Variants in CDC42SE2 observed in about 807,000 individuals in gnomAD.
The protein encoded by CDC42SE2 is CDC42 small effector protein 2.
CDC42SE2 carries 3 observed loss-of-function variants against 11.5 expected under a neutral mutation model. The observed-to-expected ratio is 0.26, with a 90% CI of 0.12 to 0.67. The LOEUF (loss-of-function observed/expected upper bound fraction) is 0.67. CDC42SE2 is among the 30% of genes least tolerant of loss of function. The probability of loss-of-function intolerance (pLI) is 0.80; values close to 1 mark genes in which losing one functional copy is unlikely to be tolerated. For missense variants in CDC42SE2, 82 were observed against 106.8 expected (o/e 0.77, Z 1.02); for synonymous variants, 33 against 34.8 (o/e 0.95, Z 0.18).
intron 1 of CDC42SE2, among the ~76,000 whole-genome samples, chr5:131,295,831 C>T (rs189638167): frequency 6.7e-4 from 102 of 152,002 alleles, no homozygotes; most frequent in Admixed American, 1.5e-3. Context: ...TACAGGCGCC[C>T]GCCACCGTGC....
At chr5:131,371,990 C>T (rs1375685703) in intron 3 of CDC42SE2, among the ~76,000 whole-genome samples, 1 of 152,152 alleles carries the variant, frequency 6.6e-6, no homozygotes, top group Non-Finnish European at 1.5e-5. Context: ...CGTTTCCCCC[C>T]CTTATTCCCC....
At chr5:131,249,789 G>A (rs994341026) in intron 1 of CDC42SE2, among the ~76,000 whole-genome samples, 3 of 152,074 alleles carry the variant, frequency 2.0e-5, no homozygotes, top group Non-Finnish European at 2.9e-5. Context: ...AGGCTGAGGC[G>A]GGAGGATCAC....
chr5:131,348,969 C>T (rs542180054), intron 2 of CDC42SE2, among the ~76,000 whole-genome samples: 2 of 152,152 alleles, frequency 1.3e-5, no homozygotes, highest in Non-Finnish European at 2.9e-5. Flanking sequence ...CCCTTCCCTA[C>T]ACCCTATACA....
chr5:131,366,678 C>T (rs1182847188), intron 3 of CDC42SE2, among the ~76,000 whole-genome samples: 1 of 151,986 alleles, frequency 6.6e-6, no homozygotes, highest in Non-Finnish European at 1.5e-5. Flanking sequence ...AAGTAATAAT[C>T]TTTAAAAGAA....
the CDC42SE2 span, among the ~76,000 whole-genome samples, chr5:131,215,504 C>T: frequency 2.6e-5 from 4 of 152,200 alleles, no homozygotes; most frequent in African/African-American, 9.7e-5. Context: ...TTTTGTCATT[C>T]TTCACTATTG....
chr5:131,226,274 A>G, the CDC42SE2 span, among the ~76,000 whole-genome samples: 2 of 152,268 alleles, frequency 1.3e-5, no homozygotes, highest in Non-Finnish European at 2.9e-5. Context: ...ATAGCAATTT[A>G]GTATCATTTG....
upstream of CDC42SE2, among the ~76,000 whole-genome samples, chr5:131,242,490 A>G (rs1297258009): frequency 6.6e-6 from 1 of 152,142 alleles, no homozygotes; most frequent in African/African-American, 2.4e-5. Context: ...TTCTTCTTAA[A>G]ATTTTATGAC....
chr5:131,270,911 G>T (rs1242110992), intron 1 of CDC42SE2, among the ~76,000 whole-genome samples: 1 of 152,030 alleles, frequency 6.6e-6, no homozygotes, highest in Non-Finnish European at 1.5e-5. Context: ...TACCACTTCA[G>T]GATGCAGCTT....
At chr5:131,349,681 T>A (rs1031684908) in intron 2 of CDC42SE2, among the ~76,000 whole-genome samples, 3 of 152,144 alleles carry the variant, frequency 2.0e-5, no homozygotes, top group Non-Finnish European at 4.4e-5. Context: ...GAACAACCCA[T>A]TGTAATGAAG....
chr5:131,364,905 G>T (rs1749809081), intron 3 of CDC42SE2, among the ~76,000 whole-genome samples: 1 of 152,174 alleles, frequency 6.6e-6, no homozygotes, highest in African/African-American at 2.4e-5. Context: ...ATGGTTCAAG[G>T]TTACTTCAAG....
At chr5:131,314,634 G>T (rs932076643) in intron 1 of CDC42SE2, among the ~76,000 whole-genome samples, 2 of 152,172 alleles carry the variant, frequency 1.3e-5, no homozygotes, top group East Asian at 1.9e-4. Flanking sequence ...AACCTTCCTA[G>T]ACTTATTTAT....
intron 3 of CDC42SE2, 25 bp from the exon 4 acceptor site, chr5:131,385,518 A>G (rs1431014455): frequency 6.5e-7 from 1 of 1,530,260 alleles, no homozygotes; most frequent in East Asian, 2.3e-5. Flanking sequence ...TCACTTTCTC[A>G]ACACATTTGT....
At position 131,391,549 on chromosome 5, in the gene CDC42SE2, GTAATCGCAGCTACTCA is replaced by G. The variant is rs1750652935; in HGVS notation, c.*459_*474del. ...TAGCTGGGCATGGTGGCGCATGCCT[GTAATCGCAGCTACTCA>G]GGAGGCTGAGGCACGAGAATTGCTT... On this transcript the variant is annotated 3_prime_UTR_variant, in exon 5 of 5. Transcript: ENST00000505065. 6.6e-6 allele frequency: 1 copy of G among 152,434 alleles called. No individual in the cohort carries two copies. The highest frequency in any genetic ancestry group is 1.5e-5 in the Non-Finnish European group (1 of 68,224). The allele number at this position is 152,434 out of a possible 1,614,324, so 9.4% of individuals were successfully genotyped here. A position where few individuals can be genotyped will look rare whatever the true frequency, so the allele number is the denominator to read the frequency against.
chr5:131,387,555 AAAAT>A lies in CDC42SE2; in HGVS notation c.156+1916_156+1919del, dbSNP rs1293837881. ...TGACAGAGTGAAACCCCATCTTAAA[AAAAT>A]AAATCCAACCGTATAGGAGGAATTA... On this transcript the variant is annotated intron_variant, in intron 4 of 4. Coordinates refer to ENST00000505065, the MANE Select transcript of CDC42SE2 (RefSeq NM_001375635.1). Among the ~76,000 whole-genome samples, 12 of 152,328 alleles carry A rather than the reference AAAAT, an allele frequency of 7.9e-5. No homozygotes were observed. The South Asian group carries it at 2.3e-3, about 29-fold the overall frequency.
chr5:131,366,074 CTG>C (rs1263181223), intron 3 of CDC42SE2, among the ~76,000 whole-genome samples: 3 of 152,210 alleles, frequency 2.0e-5, no homozygotes, highest in African/African-American at 7.2e-5. Flanking sequence ...AATGTTTTAA[CTG>C]TACTACTAAA....
Position 131,258,900 on chromosome 5 carries a change from G to A in CDC42SE2, n.242+3671G>A, listed in dbSNP as rs181713495. ...TATACTGAATTTTTCCACAGCACTC[G>A]GTATGCTACCTGGCAAACAGCAGGC... On this transcript the variant is annotated intron_variant and non_coding_transcript_variant, in intron 2 of 3. Transcript: ENST00000502840. Among the ~76,000 whole-genome samples the A allele has an allele frequency of 2.4e-4, 36 of 152,210 alleles. No individual in the cohort carries two copies. In the East Asian group the frequency reaches 6.2e-3, roughly 26 times the overall value.
At chr5:131,339,245 T>TAAA (rs1758650062) in intron 2 of CDC42SE2, among the ~76,000 whole-genome samples, 2 of 44,594 alleles carry the variant, frequency 4.5e-5, no homozygotes, top group African/African-American at 2.8e-4. Flanking sequence ...AGACTCTGTC[T>TAAA]GAAAAAAAAA....
intron 1 of CDC42SE2, among the ~76,000 whole-genome samples, chr5:131,293,699 G>A (rs13158295): frequency 0.57 from 86,786 of 152,052 alleles, 28,729 homozygotes; most frequent in Non-Finnish European, 0.76. Context: ...CCTAGTTTAT[G>A]GTATTTTGTT....
intron 1 of CDC42SE2, among the ~76,000 whole-genome samples, chr5:131,266,531 C>T (rs998045317): frequency 1.4e-5 from 2 of 147,646 alleles, no homozygotes; most frequent in African/African-American, 5.0e-5. Context: ...GTGATCTCGG[C>T]TTACTGCAAC....
Sources: gnomAD v4.1 joint callset for allele counts (sites outside exome capture counted in the v4.1 genomes callset) on GRCh38, gnomAD v4.1.1 for gene constraint, MANE v1.5 for transcripts, NCBI Gene and HGNC (gene_info 2026-07-23, HGNC 2026-07-21) for gene names.